Variants in RELN observed in about 807,000 individuals in gnomAD.
The protein encoded by RELN is reelin.
Under a neutral mutation model 427.6 loss-of-function variants are expected in RELN, and 108 were observed. The observed-to-expected ratio is 0.25, with a 90% CI of 0.22 to 0.30. RELN has a LOEUF of 0.30. Ranked by LOEUF, RELN falls within the 10% of genes least tolerant of loss-of-function variation. RELN has a pLI of 1.00. For missense variants in RELN, 3,715 were observed against 4,302.8 expected, an observed-to-expected ratio of 0.86 and a Z score of 3.82; for synonymous variants, 1,524 against 1,513.4, an observed-to-expected ratio of 1.01 and a Z score of -0.16.
intron 22 of RELN, among the ~76,000 whole-genome samples, chr7:103,605,435 C>T (rs1027376150): frequency 2.0e-5 from 3 of 152,084 alleles, no homozygotes; most frequent in East Asian, 3.9e-4. Context: ...AACACTTGGG[C>T]CCTTAATTCA....
In RELN at chr7:103,863,770, C is replaced by T. The variant is rs186734214; in HGVS notation, c.338-30098G>A. The stretch of plus-strand genomic sequence containing the variant: ...GAGGAAGTTTCACTCCAAGACCATA[C>T]GATGGAATAACATCTTAAATTTCAC... On this transcript the variant is annotated intron_variant, in intron 2 of 64. Coordinates refer to ENST00000428762, the MANE Select transcript of RELN (RefSeq NM_005045.4). Among the ~76,000 whole-genome samples the T allele has an allele frequency of 5.3e-5, 8 of 151,788 alleles. No individual in the cohort carries two copies. In the Middle Eastern group the frequency reaches 0.01, roughly 194 times the overall value.
chr7:103,480,014 A>AT (rs1246857044), intron 63 of RELN, among the ~76,000 whole-genome samples: 2 of 152,198 alleles, frequency 1.3e-5, no homozygotes, highest in African/African-American at 4.8e-5. Flanking sequence ...TGTATGCCCC[A>AT]ACCATTAGTT....
intron 42 of RELN, among the ~76,000 whole-genome samples, chr7:103,543,617 G>A (rs4729921): frequency 0.58 from 87,473 of 151,768 alleles, 26,226 homozygotes; most frequent in Middle Eastern, 0.73. Context: ...ACTTCACTCC[G>A]GCCTGGGTGA....
At chr7:103,587,384 A>C (rs1374914494) in intron 28 of RELN, among the ~76,000 whole-genome samples, 1 of 152,182 alleles carries the variant, frequency 6.6e-6, no homozygotes, top group African/African-American at 2.4e-5. Flanking sequence ...TCAACTCAAA[A>C]TGGATTGGAC....
chr7:103,588,294 C>T (rs544273093), intron 28 of RELN, among the ~76,000 whole-genome samples: 7 of 152,142 alleles, frequency 4.6e-5, no homozygotes, highest in Non-Finnish European at 8.8e-5. Flanking sequence ...TGCATATTCT[C>T]AGTTATATGT....
chr7:103,930,872 G>GTA (rs1795848292), intron 1 of RELN, among the ~76,000 whole-genome samples: 1 of 106,708 alleles, frequency 9.4e-6, no homozygotes. Context: ...GAGCATATGT[G>GTA]TGTGTGTGTG....
At chr7:103,656,391 T>A (rs538800341) in intron 12 of RELN, among the ~76,000 whole-genome samples, 136 of 152,104 alleles carry the variant, frequency 8.9e-4, no homozygotes, top group African/African-American at 3.2e-3. Context: ...ACTAAGCCCT[T>A]TAAGACAAAC....
intron 1 of RELN, among the ~76,000 whole-genome samples, chr7:103,984,452 A>T (rs1329956927): frequency 6.6e-6 from 1 of 152,196 alleles, no homozygotes; most frequent in African/African-American, 2.4e-5. Flanking sequence ...CTAGTAATGT[A>T]GGAATGAATG....
rs1797144480 is a variant in RELN, at chr7:103,988,227, A to AT, written c.226+903dup. ...CCCAGAAGAAATACAGAAAAGAGAC[A>AT]TTTTTTATTTTTCCACATACTCGAT... On this transcript the variant is annotated intron_variant, in intron 1 of 64. Coordinates refer to ENST00000428762, the MANE Select transcript of RELN (RefSeq NM_005045.4). This position sits in a 1 kb window ranked among gnomAD's most constrained non-coding sequence, Gnocchi z 4.9. 2.0e-5 allele frequency among the ~76,000 whole-genome samples: 3 copies of AT among 152,216 alleles called. No homozygotes were observed. In the South Asian group the frequency reaches 6.2e-4, roughly 32 times the overall value.
chr7:103,797,160 A>G (rs562460405), intron 3 of RELN, among the ~76,000 whole-genome samples: 1 of 152,162 alleles, frequency 6.6e-6, no homozygotes, highest in East Asian at 1.9e-4. Flanking sequence ...ATCTTGGCTC[A>G]CCGCAACCTC....
At chr7:103,558,330 A>G (rs1258815410) in intron 36 of RELN, among the ~76,000 whole-genome samples, 3 of 152,204 alleles carry the variant, frequency 2.0e-5, no homozygotes, top group Non-Finnish European at 4.4e-5. Flanking sequence ...ATAGCATTAC[A>G]TATCTACAGG....
At chr7:103,576,296 T>C (rs1831001291) in intron 28 of RELN, among the ~76,000 whole-genome samples, 1 of 152,114 alleles carries the variant, frequency 6.6e-6, no homozygotes, top group South Asian at 2.1e-4. Context: ...CATGCCACAA[T>C]GCCCAGCTAA....
intron 64 of RELN, among the ~76,000 whole-genome samples, chr7:103,473,226 C>T (rs78250815): frequency 0.013 from 1,951 of 152,248 alleles, 14 homozygotes; most frequent in South Asian, 0.021. Context: ...TGAATGCTTC[C>T]TGAAAATATT....
At chr7:103,782,542 T>C (rs1187132771) in intron 3 of RELN, among the ~76,000 whole-genome samples, 1 of 152,134 alleles carries the variant, frequency 6.6e-6, no homozygotes, top group Non-Finnish European at 1.5e-5. Context: ...GCTTCTGGAA[T>C]AGGAATCAGT....
intron 8 of RELN, among the ~76,000 whole-genome samples, chr7:103,714,779 C>T (rs973668037): frequency 2.6e-5 from 4 of 152,170 alleles, no homozygotes; most frequent in Non-Finnish European, 5.9e-5. Flanking sequence ...TGGGGCTTCT[C>T]AGTCCCAAGT....
intron 3 of RELN, among the ~76,000 whole-genome samples, chr7:103,792,341 C>T (rs1430389080): frequency 6.6e-6 from 1 of 151,992 alleles, no homozygotes; most frequent in Non-Finnish European, 1.5e-5. Flanking sequence ...AGATGATTGG[C>T]TAAATAAAAT....
At chr7:103,545,960 G>A (rs1316921091) in intron 41 of RELN, among the ~76,000 whole-genome samples, 4 of 151,962 alleles carry the variant, frequency 2.6e-5, no homozygotes, top group African/African-American at 9.7e-5. Flanking sequence ...AATACACTCT[G>A]TATAACTAAC....
At chr7:103,543,039 C>T (rs1173756793) in intron 42 of RELN, among the ~76,000 whole-genome samples, 161 bp from the exon 43 acceptor site, 1 of 152,184 alleles carries the variant, frequency 6.6e-6, no homozygotes, top group African/African-American at 2.4e-5. Flanking sequence ...AACATTTCAG[C>T]TTGTTTGAAT....
intron 41 of RELN, among the ~76,000 whole-genome samples, chr7:103,547,098 T>G (rs1193575118): frequency 6.6e-6 from 1 of 152,198 alleles, no homozygotes; most frequent in African/African-American, 2.4e-5. Context: ...AGAGATGACA[T>G]GTGCACTTAT....
Sources: allele counts gnomAD v4.1 joint callset (sites outside exome capture counted in the v4.1 genomes callset), GRCh38; gene constraint gnomAD v4.1.1; non-coding constraint Gnocchi (gnomAD v3.1); transcripts MANE v1.5; gene names NCBI Gene and HGNC (gene_info 2026-07-23, HGNC 2026-07-21).